Variants in SLC4A4 observed in about 807,000 individuals in gnomAD.
The protein encoded by SLC4A4 is electrogenic sodium bicarbonate cotransporter 1.
SLC4A4 carries 27 observed loss-of-function variants against 111.5 expected under a neutral mutation model. The ratio of observed to expected loss-of-function variants is 0.24; its 90% CI spans 0.18 to 0.33. The LOEUF is 0.33. SLC4A4 is among the 10% of genes least tolerant of loss of function. The pLI, the probability that SLC4A4 is intolerant of heterozygous loss-of-function variation, is 1.00. For synonymous variants in SLC4A4, 443 were observed against 463.4 expected (o/e 0.96, Z 0.57); for missense variants, 909 against 1,315.5 (o/e 0.69, Z 4.78).
At chr4:71,527,406 GT>G (rs1733512342) in intron 16 of SLC4A4, among the ~76,000 whole-genome samples, 1 of 152,086 alleles carries the variant, frequency 6.6e-6, no homozygotes, top group African/African-American at 2.4e-5. Context: ...ATATTCCGAA[GT>G]TTTAGGTCTG....
intron 1 of SLC4A4, among the ~76,000 whole-genome samples, chr4:71,225,090 G>A (rs567105940): frequency 5.3e-5 from 8 of 152,246 alleles, no homozygotes; most frequent in South Asian, 2.1e-4. Context: ...GGTGGCTCAC[G>A]CCTGTAATCC....
chr4:71,563,365 G>C (rs1044269558), intron 23 of SLC4A4, among the ~76,000 whole-genome samples: 1 of 34,862 alleles, frequency 2.9e-5, no homozygotes, highest in African/African-American at 4.9e-5. Flanking sequence ...AGGAAAGATC[G>C]GTCATGATTT....
At chr4:71,276,306 A>G (rs935153952) in intron 3 of SLC4A4, among the ~76,000 whole-genome samples, 1 of 151,726 alleles carries the variant, frequency 6.6e-6, no homozygotes, top group Admixed American at 6.5e-5. Context: ...ACGATGTGTG[A>G]CATCGTATGA....
intron 3 of SLC4A4, among the ~76,000 whole-genome samples, chr4:71,335,961 C>A (rs147716808): frequency 6.6e-6 from 1 of 152,080 alleles, no homozygotes; most frequent in South Asian, 2.1e-4. Flanking sequence ...GGTTTATGTG[C>A]TAATTTACTT....
At chr4:71,230,164 T>C (rs1300224383) in intron 1 of SLC4A4, among the ~76,000 whole-genome samples, 1 of 152,130 alleles carries the variant, frequency 6.6e-6, no homozygotes, top group African/African-American at 2.4e-5. Flanking sequence ...AACTCAGAAA[T>C]GTGTGTATGA....
At chr4:71,168,560 T>C (rs780537806) in intron 2 of SLC4A4, among the ~76,000 whole-genome samples, 6 of 152,180 alleles carry the variant, frequency 3.9e-5, no homozygotes, top group South Asian at 2.1e-4. Flanking sequence ...TTTTAAATTC[T>C]TTCTATTTTT....
intron 2 of SLC4A4, among the ~76,000 whole-genome samples, chr4:71,134,870 G>C (rs571790812): frequency 6.6e-6 from 1 of 152,292 alleles, no homozygotes; most frequent in East Asian, 1.9e-4. Context: ...TAGGTAGGAT[G>C]TTGGGAGTGC....
chr4:71,160,213 T>TAA (rs1744582627), intron 2 of SLC4A4, among the ~76,000 whole-genome samples: 1 of 152,208 alleles, frequency 6.6e-6, no homozygotes, highest in African/African-American at 2.4e-5. Flanking sequence ...GATTCTATAG[T>TAA]TACTAATCTT....
intron 22 of SLC4A4, 141 bp from the exon 23 acceptor site, chr4:71,559,952 T>A: frequency 1.5e-6 from 1 of 687,678 alleles, no homozygotes; most frequent in Non-Finnish European, 2.6e-6. Context: ...TATAAGTCCA[T>A]ACCGTCAAGA....
intron 2 of SLC4A4, among the ~76,000 whole-genome samples, chr4:71,103,311 C>T (rs1397491084): frequency 6.6e-6 from 1 of 152,082 alleles, no homozygotes; most frequent in East Asian, 1.9e-4. Flanking sequence ...GACTCCCGCA[C>T]ATTAATAATG....
chr4:71,222,464 T>C (rs1290259892), intron 1 of SLC4A4, among the ~76,000 whole-genome samples: 2 of 152,252 alleles, frequency 1.3e-5, no homozygotes, highest in Non-Finnish European at 2.9e-5. Context: ...GTATCAACTT[T>C]TAACACATTA....
At position 71,259,651 on chromosome 4, in the gene SLC4A4, A is replaced by G. The variant is rs949461837; in HGVS notation, c.253+4252A>G. 1.6e-4 allele frequency among the ~76,000 whole-genome samples: 25 copies of G among 151,538 alleles called. 2 individuals are homozygous for G. In the East Asian group the frequency reaches 1.7e-3, roughly 11 times the overall value. ...CCTCCACTGTGCATTTTTTTTTTCT[A>G]AGTTAGCAGCTGCCATCCTCTGAGG... On this transcript the variant is annotated intron_variant, in intron 3 of 25. Transcript: ENST00000264485.
intron 4 of SLC4A4, among the ~76,000 whole-genome samples, chr4:71,345,965 G>A (rs1184350671): frequency 4.6e-5 from 7 of 152,060 alleles, no homozygotes; most frequent in Non-Finnish European, 1.0e-4. Context: ...TAAGGCACTT[G>A]TTAGTTAGCA....
chr4:71,420,694 G>T (rs1316622345), intron 7 of SLC4A4, among the ~76,000 whole-genome samples: 1 of 151,064 alleles, frequency 6.6e-6, no homozygotes, highest in African/African-American at 2.4e-5. Context: ...CATTCTTAAA[G>T]AAAAGAATTT....
At chr4:71,238,654 T>C (rs181371600) in intron 2 of SLC4A4, among the ~76,000 whole-genome samples, 1 of 152,278 alleles carries the variant, frequency 6.6e-6, no homozygotes, top group Non-Finnish European at 1.5e-5. Flanking sequence ...CATAAGAAGA[T>C]TGCTTATGGA....
At chr4:71,085,352 G>T (rs1164110703) in intron 1 of SLC4A4, among the ~76,000 whole-genome samples, 5 of 151,908 alleles carry the variant, frequency 3.3e-5, no homozygotes, top group Non-Finnish European at 1.5e-5. Flanking sequence ...CCATTCTGTA[G>T]GTTGCCTGTT....
At chr4:71,445,440 A>G (rs559133258) in intron 8 of SLC4A4, among the ~76,000 whole-genome samples, 1 of 152,298 alleles carries the variant, frequency 6.6e-6, no homozygotes, top group South Asian at 2.1e-4. Context: ...AGCTATAATC[A>G]TGATGGAGGT....
At chr4:71,215,482 C>T (rs1370549989) in intron 1 of SLC4A4, among the ~76,000 whole-genome samples, 1 of 152,200 alleles carries the variant, frequency 6.6e-6, no homozygotes, top group African/African-American at 2.4e-5. Flanking sequence ...GTCTGATCCT[C>T]CAGGAAGGCT....
intron 7 of SLC4A4, among the ~76,000 whole-genome samples, chr4:71,436,338 C>T (rs1017456378): frequency 7.2e-5 from 11 of 152,170 alleles, no homozygotes; most frequent in South Asian, 2.1e-4. Context: ...TGTTCTCACT[C>T]GTAAGTGGGA....
Sources: gnomAD v4.1 joint callset for allele counts (sites outside exome capture counted in the v4.1 genomes callset) on GRCh38, gnomAD v4.1.1 for gene constraint, MANE v1.5 for transcripts, NCBI Gene and HGNC (gene_info 2026-07-23, HGNC 2026-07-21) for gene names.